Variants in HDAC8 observed in about 807,000 individuals in gnomAD.
HDAC8 encodes histone deacetylase 8.
In HDAC8, 1 loss-of-function variant was observed where a neutral mutation model predicts 32.2. That is an observed-to-expected ratio of 0.03 (90% CI 0.01 to 0.15). HDAC8 has a LOEUF of 0.15. Ranked by LOEUF, HDAC8 falls within the 10% of genes least tolerant of loss-of-function variation. The pLI is 1.00. For synonymous variants in HDAC8, 108 were observed against 113.9 expected, an observed-to-expected ratio of 0.95 and a Z score of 0.33; for missense variants, 117 against 300.0, an observed-to-expected ratio of 0.39 and a Z score of 4.51.
intron 6 of HDAC8, among the ~76,000 whole-genome samples, chrX:72,490,303 C>T (rs1342674780): frequency 1.8e-5 from 2 of 110,327 alleles, no homozygotes; most frequent in African/African-American, 6.6e-5. Context: ...CACATGCATA[C>T]GTATGTTTAT....
Position 72,410,799 on chromosome X carries a change from GA to G in HDAC8, c.1005+51204del, listed in dbSNP as rs1261534921. ...CCACACAACAGTCAGCATCATCTTTGAAAAATCTCAGTTAGATTATATTACT... is the reference window on the plus strand; with the variant it reads ...CCACACAACAGTCAGCATCATCTTTGAAAATCTCAGTTAGATTATATTACT... On this transcript the variant is annotated intron_variant, in intron 9 of 10. Coordinates refer to ENST00000373573, the MANE Select transcript of HDAC8 (RefSeq NM_018486.3). Among the ~76,000 whole-genome samples, 3 of 110,950 alleles carry G rather than the reference GA, an allele frequency of 2.7e-5. No homozygotes were observed. The East Asian group carries it at 8.5e-4, about 32-fold the overall frequency.
intron 4 of HDAC8, among the ~76,000 whole-genome samples, chrX:72,542,189 T>C (rs1000525553): frequency 4.4e-5 from 5 of 112,447 alleles, no homozygotes; most frequent in African/African-American, 1.6e-4. Context: ...ATCTCTACTT[T>C]GGTCACTGAG....
chrX:72,559,715 A>G (rs781880212), intron 4 of HDAC8, among the ~76,000 whole-genome samples: 64 of 96,705 alleles, frequency 6.6e-4, no homozygotes, highest in African/African-American at 2.5e-3. Flanking sequence ...GCCTCTGCCC[A>G]GCCGGGACCC....
At chrX:72,506,950 T>C (rs1432730479) in intron 4 of HDAC8, among the ~76,000 whole-genome samples, 1 of 110,931 alleles carries the variant, frequency 9.0e-6, no homozygotes, top group Non-Finnish European at 1.9e-5. Context: ...CAGGCTCAAG[T>C]GATCCTCCCA....
intron 8 of HDAC8, among the ~76,000 whole-genome samples, chrX:72,463,483 A>G (rs1385053801): frequency 8.9e-6 from 1 of 112,179 alleles, no homozygotes; most frequent in Non-Finnish European, 1.9e-5. Flanking sequence ...AACCTGATGT[A>G]TATGGTAGAA....
intron 9 of HDAC8, among the ~76,000 whole-genome samples, chrX:72,413,964 T>C (rs927514547): frequency 2.7e-5 from 3 of 111,963 alleles, no homozygotes; most frequent in Non-Finnish European, 3.8e-5. Flanking sequence ...TCTGTGACAT[T>C]GGAAGCATGG....
chrX:72,516,170 T>A (rs2049795471), intron 4 of HDAC8, among the ~76,000 whole-genome samples: 1 of 112,138 alleles, frequency 8.9e-6, no homozygotes, highest in African/African-American at 3.2e-5. Context: ...TGGGCTAAAC[T>A]GCATCAGGAG....
At chrX:72,468,137 A>G in intron 7 of HDAC8, 1 of 742,589 alleles carries the variant, frequency 1.3e-6, no homozygotes, top group Non-Finnish European at 1.9e-6. Flanking sequence ...AACACTTTTA[A>G]ATTCAAGACT....
intron 9 of HDAC8, among the ~76,000 whole-genome samples, chrX:72,437,363 A>G (rs1555979629): frequency 8.9e-6 from 1 of 111,963 alleles, no homozygotes; most frequent in Non-Finnish European, 1.9e-5. Context: ...AGATTCCCTC[A>G]GGTGCCTACA....
intron 9 of HDAC8, among the ~76,000 whole-genome samples, chrX:72,371,150 G>T (rs1327751113): frequency 1.8e-5 from 2 of 111,479 alleles, no homozygotes; most frequent in African/African-American, 6.5e-5. Flanking sequence ...GCTATGAAAT[G>T]GTATGATACC....
intron 4 of HDAC8, among the ~76,000 whole-genome samples, chrX:72,543,315 G>A (rs782285100): frequency 9.0e-6 from 1 of 111,426 alleles, no homozygotes; most frequent in Admixed American, 9.5e-5. Context: ...GGAGTCTGGG[G>A]AGGAGAACCA....
chrX:72,552,995 T>G (rs1377440042), intron 4 of HDAC8, among the ~76,000 whole-genome samples: 1 of 110,736 alleles, frequency 9.0e-6, no homozygotes, highest in African/African-American at 3.3e-5. Context: ...AAATCAACAT[T>G]ATAAGATAAG....
intron 9 of HDAC8, among the ~76,000 whole-genome samples, chrX:72,392,310 T>A (rs184191336): frequency 1.8e-5 from 2 of 111,953 alleles, no homozygotes; most frequent in East Asian, 5.7e-4. Flanking sequence ...TCACTATTAG[T>A]CACTTCTTGG....
chrX:72,531,462 C>T (rs1393638530), intron 4 of HDAC8, among the ~76,000 whole-genome samples: 1 of 111,792 alleles, frequency 8.9e-6, no homozygotes, highest in Non-Finnish European at 1.9e-5. Flanking sequence ...ATTTTCTGGT[C>T]ACTAATATGC....
intron 9 of HDAC8, among the ~76,000 whole-genome samples, chrX:72,382,072 C>T (rs1432551383): frequency 1.8e-5 from 2 of 112,493 alleles, no homozygotes; most frequent in African/African-American, 6.5e-5. Context: ...AGTTTCCCAC[C>T]AAGCTGATGG....
chrX:72,364,322 CTCT>C (rs1189379704), intron 9 of HDAC8, among the ~76,000 whole-genome samples: 1 of 111,241 alleles, frequency 9.0e-6, no homozygotes, highest in East Asian at 2.8e-4. Flanking sequence ...TCCTCAGCCT[CTCT>C]TCTTTCTCTT....
chrX:72,377,764 C>A (rs2045127580), intron 9 of HDAC8, among the ~76,000 whole-genome samples: 1 of 111,289 alleles, frequency 9.0e-6, no homozygotes, highest in Non-Finnish European at 1.9e-5. Flanking sequence ...TCCATTTGAC[C>A]AATCTCTAAT....
chrX:72,419,729 T>C (rs1378015715), intron 9 of HDAC8, among the ~76,000 whole-genome samples: 1 of 111,481 alleles, frequency 9.0e-6, no homozygotes, highest in Admixed American at 9.5e-5. Context: ...GAGTATGACA[T>C]TAGCTGTAGG....
intron 9 of HDAC8, among the ~76,000 whole-genome samples, chrX:72,434,253 C>T (rs2046893526): frequency 9.0e-6 from 1 of 111,306 alleles, no homozygotes; most frequent in South Asian, 3.8e-4. Context: ...GGTATAATGC[C>T]TACTTCCCAG....
Sources: gnomAD v4.1 joint callset for allele counts (sites outside exome capture counted in the v4.1 genomes callset) on GRCh38, gnomAD v4.1.1 for gene constraint, MANE v1.5 for transcripts, NCBI Gene and HGNC (gene_info 2026-07-23, HGNC 2026-07-21) for gene names.